CAP2: variants seen among roughly 807,000 people sequenced by gnomAD.
CAP2 encodes the protein cyclase associated actin cytoskeleton regulatory protein 2, also known as adenylyl cyclase-associated protein 2.
Under a neutral mutation model 57.7 loss-of-function variants are expected in CAP2, and 24 were observed. The observed-to-expected ratio is 0.42, with a 90% CI of 0.30 to 0.58. The LOEUF (loss-of-function observed/expected upper bound fraction) is 0.58, where lower values mean the gene tolerates loss of function less well. Ranked by LOEUF, CAP2 falls within the 20% of genes least tolerant of loss-of-function variation. The pLI, the probability that CAP2 is intolerant of heterozygous loss-of-function variation, is 0.22. For missense variants in CAP2, 501 were observed against 590.3 expected (o/e 0.85, Z 1.57); for synonymous variants, 194 against 207.2 (o/e 0.94, Z 0.55).
At chr6:17,475,398 G>A (rs1761127737) in intron 4 of CAP2, among the ~76,000 whole-genome samples, 1 of 152,194 alleles carries the variant, frequency 6.6e-6, no homozygotes, top group South Asian at 2.1e-4. Context: ...GATCAGCCTT[G>A]AAAGAGTATT....
At chr6:17,496,378 G>A (rs190042291) in intron 4 of CAP2, among the ~76,000 whole-genome samples, 32 of 152,302 alleles carry the variant, frequency 2.1e-4, no homozygotes, top group African/African-American at 7.0e-4. Context: ...AAGAGGGGGC[G>A]CCATATGCAG....
At chr6:17,532,742 A>C (rs1211486416) in intron 7 of CAP2, among the ~76,000 whole-genome samples, 10 of 136,542 alleles carry the variant, frequency 7.3e-5, no homozygotes, top group East Asian at 4.6e-4. Context: ...AGCGATACTA[A>C]AAAAAAAAAC....
At chr6:17,518,257 A>G (rs1222959985) in intron 7 of CAP2, among the ~76,000 whole-genome samples, 1 of 152,220 alleles carries the variant, frequency 6.6e-6, no homozygotes, top group Non-Finnish European at 1.5e-5. Flanking sequence ...TATAACAATT[A>G]TATTTTTGAA....
chr6:17,545,475 TCAAA>T (rs1763020129), intron 11 of CAP2, among the ~76,000 whole-genome samples: 1 of 152,210 alleles, frequency 6.6e-6, no homozygotes, highest in Admixed American at 6.5e-5. Flanking sequence ...GAGGAAATTT[TCAAA>T]CAGATAGGCA....
chr6:17,464,433 C>T (rs1760810997), intron 4 of CAP2, among the ~76,000 whole-genome samples: 1 of 152,172 alleles, frequency 6.6e-6, no homozygotes, highest in South Asian at 2.1e-4. Flanking sequence ...GGATGACACT[C>T]AGCTCCATAA....
chr6:17,464,995 A>C (rs1051154834), intron 4 of CAP2, among the ~76,000 whole-genome samples: 1 of 152,140 alleles, frequency 6.6e-6, no homozygotes, highest in African/African-American at 2.4e-5. Flanking sequence ...ATGGCTTTGC[A>C]GGCCTTAGAC....
At chr6:17,555,115 G>A (rs1023908092) in intron 12 of CAP2, among the ~76,000 whole-genome samples, 5 of 152,152 alleles carry the variant, frequency 3.3e-5, no homozygotes, top group Non-Finnish European at 7.4e-5. Context: ...CTGGGAGCTT[G>A]TTGGAAATGC....
chr6:17,407,372 G>C (rs1248559807), intron 1 of CAP2, among the ~76,000 whole-genome samples: 1 of 151,828 alleles, frequency 6.6e-6, no homozygotes, highest in Non-Finnish European at 1.5e-5. Context: ...CCAGCACTTC[G>C]GGAGACCGAG....
chr6:17,432,604 C>T (rs36165788), intron 3 of CAP2, among the ~76,000 whole-genome samples: 38,675 of 152,048 alleles, frequency 0.25, 5,603 homozygotes, highest in South Asian at 0.34. Flanking sequence ...AGGTTTCATC[C>T]AGGCTTTAAA....
At chr6:17,522,070 C>T (rs1028520137) in intron 7 of CAP2, among the ~76,000 whole-genome samples, 11 of 151,844 alleles carry the variant, frequency 7.2e-5, no homozygotes, top group African/African-American at 1.5e-4. Context: ...CATTGCACCA[C>T]GGGACTCTAG....
intron 1 of CAP2, among the ~76,000 whole-genome samples, chr6:17,395,218 G>A (rs955693942): frequency 6.6e-6 from 1 of 152,150 alleles, no homozygotes; most frequent in African/African-American, 2.4e-5. Flanking sequence ...GTAAACCTTT[G>A]AGTTAAGAGC....
At chr6:17,406,392 A>G (rs568406085) in intron 1 of CAP2, among the ~76,000 whole-genome samples, 4 of 101,110 alleles carry the variant, frequency 4.0e-5, no homozygotes, top group Non-Finnish European at 7.8e-5. Flanking sequence ...CAGTAAGCCC[A>G]GATTTCTTTT....
rs1220535695 is a variant in CAP2, at chr6:17,556,594, C to T, written c.*152C>T. 6.9e-6 allele frequency: 4 copies of T among 581,040 alleles called. No homozygotes were observed. The highest frequency in any genetic ancestry group is 3.7e-5 in the African/African-American group (2 of 53,864). The allele number at this position is 581,040 out of a possible 1,614,324, so 36.0% of individuals were successfully genotyped here. A position where few individuals can be genotyped will look rare whatever the true frequency, so the allele number is the denominator to read the frequency against. On this transcript the variant is annotated 3_prime_UTR_variant, in exon 13 of 13. Transcript: ENST00000229922. ...TATAGATACAGCACTGTTTCTGGCACGCCTCGTGGGCATTTTGAAATATTT... is the reference window on the plus strand; with the variant it reads ...TATAGATACAGCACTGTTTCTGGCATGCCTCGTGGGCATTTTGAAATATTT...
At chr6:17,521,381 G>A (rs1238550886) in intron 7 of CAP2, among the ~76,000 whole-genome samples, 2 of 151,968 alleles carry the variant, frequency 1.3e-5, no homozygotes, top group South Asian at 2.1e-4. Context: ...TGGCACCACT[G>A]CACTCCAGCC....
chr6:17,527,781 G>A (rs1370070644), intron 7 of CAP2, among the ~76,000 whole-genome samples: 1 of 152,054 alleles, frequency 6.6e-6, no homozygotes, highest in Admixed American at 6.5e-5. Context: ...ATTTTGTAGA[G>A]ATGAGGTTTC....
chr6:17,422,346 C>CTTTTT lies in CAP2; in HGVS notation c.121+687_121+691dup, dbSNP rs11320178. Among the ~76,000 whole-genome samples the CTTTTT allele has an allele frequency of 9.3e-4, 84 of 90,250 alleles. 2 individuals carry two copies. The highest frequency in any genetic ancestry group is 1.1e-3 in the Non-Finnish European group (52 of 48,330). 59.2% of individuals were successfully genotyped at this position (90,250 alleles called of 152,430 possible). On this transcript the variant is annotated intron_variant, in intron 2 of 12. Coordinates refer to ENST00000229922, the MANE Select transcript of CAP2 (RefSeq NM_006366.3). ...CTTTGCCTATTCCTAACCAACTATGCTTTTTTTTTTTTTTTTTTTTTGAGT... is the reference window on the plus strand; with the variant it reads ...CTTTGCCTATTCCTAACCAACTATGCTTTTTTTTTTTTTTTTTTTTTTTTTTGAGT...
chr6:17,552,144 T>G (rs1763185056), intron 12 of CAP2, among the ~76,000 whole-genome samples: 1 of 152,232 alleles, frequency 6.6e-6, no homozygotes, highest in Non-Finnish European at 1.5e-5. Context: ...CATGTATCCC[T>G]TAAGTCCATC....
At chr6:17,530,704 A>C (rs1250167755) in intron 7 of CAP2, among the ~76,000 whole-genome samples, 2 of 152,186 alleles carry the variant, frequency 1.3e-5, no homozygotes, top group Non-Finnish European at 2.9e-5. Context: ...CAGTACTACC[A>C]CTAAGCTAGC....
chr6:17,448,383 C>T (rs1307131003), intron 3 of CAP2, among the ~76,000 whole-genome samples: 1 of 152,222 alleles, frequency 6.6e-6, no homozygotes, highest in Non-Finnish European at 1.5e-5. Flanking sequence ...AGGAGCCAAT[C>T]TGCCAAGTGG....
Sources: allele counts gnomAD v4.1 joint callset (sites outside exome capture counted in the v4.1 genomes callset), GRCh38; gene constraint gnomAD v4.1.1; transcripts MANE v1.5; gene names NCBI Gene and HGNC (gene_info 2026-07-23, HGNC 2026-07-21).